The following LMNTD1 variants were observed in gnomAD, a reference collection of about 807,000 sequenced individuals.
LMNTD1 encodes the protein lamin tail domain containing 1.
A neutral mutation model predicts 50.9 loss-of-function variants in LMNTD1; 35 were observed. The observed-to-expected ratio is 0.69, with a 90% CI of 0.53 to 0.91. LMNTD1 has a LOEUF of 0.91. LMNTD1 is among the 40% of genes least tolerant of loss of function. The pLI is 0.00. For missense variants in LMNTD1, 470 were observed against 475.5 expected (o/e 0.99, Z 0.11); for synonymous variants, 153 against 161.9 (o/e 0.94, Z 0.42).
chr12:25,476,646 T>A (rs958951480), intron 9 of LMNTD1, among the ~76,000 whole-genome samples, 186 bp from the exon 10 acceptor site: 15 of 152,300 alleles, frequency 9.8e-5, no homozygotes, highest in Non-Finnish European at 1.9e-4. Context: ...TGACCAAAGG[T>A]TGCATGGATG....
chr12:25,551,304 C>T (rs1447570720), intron 2 of LMNTD1, among the ~76,000 whole-genome samples: 2 of 152,190 alleles, frequency 1.3e-5, no homozygotes, highest in African/African-American at 4.8e-5. Context: ...CCCAAGAAGG[C>T]TTAACAAAAT....
rs945793875 is a variant in LMNTD1, at chr12:25,549,465, C to A, written c.171G>T (p.Leu57Phe). The change falls in exon 3 of 10, where the codon TTG (leucine) becomes TTT (phenylalanine). Residue 57 changes from leucine to phenylalanine, a missense_variant. By Grantham distance (22) the Leu-to-Phe change is conservative. Coordinates refer to ENST00000458174, the MANE Select transcript of LMNTD1 (RefSeq NM_001145728.2). ...MLGSVATTLP[L>F]SSSNSSGMPL... ...GCATTCCACTGGAATTTGAAGATGA[C>A]AATGGCAGTGTTGTGGCAACTGAAC... The A allele has an allele frequency of 6.2e-7, 1 of 1,613,256 alleles. No individual in the cohort carries two copies. Among genetic ancestry groups the A allele is most frequent in the Non-Finnish European group, 8.5e-7 (1 of 1,179,466 alleles).
intron 1 of LMNTD1, among the ~76,000 whole-genome samples, chr12:25,631,014 G>A (rs73300437): frequency 0.12 from 17,799 of 152,134 alleles, 1,599 homozygotes; most frequent in African/African-American, 0.24. Flanking sequence ...AGCTGGGTGA[G>A]GCCTGTGACT....
At chr12:25,559,674 T>G (rs1356745727) in intron 1 of LMNTD1, among the ~76,000 whole-genome samples, 1 of 152,170 alleles carries the variant, frequency 6.6e-6, no homozygotes, top group Non-Finnish European at 1.5e-5. Context: ...AGTGTAAAAG[T>G]GTTCCTATTT....
chr12:25,578,424 T>G (rs1233016682), intron 1 of LMNTD1, among the ~76,000 whole-genome samples: 2 of 152,200 alleles, frequency 1.3e-5, no homozygotes, highest in Non-Finnish European at 2.9e-5. Context: ...TTTTTTTTCC[T>G]GGAGATCCTC....
intron 1 of LMNTD1, among the ~76,000 whole-genome samples, chr12:25,648,213 G>A (rs189395117): frequency 1.7e-4 from 26 of 152,122 alleles, no homozygotes; most frequent in Non-Finnish European, 3.2e-4. Flanking sequence ...CTATACATAC[G>A]TGTTCATTTC....
At chr12:25,529,108 T>A (rs945527578) in intron 4 of LMNTD1, among the ~76,000 whole-genome samples, 1 of 152,152 alleles carries the variant, frequency 6.6e-6, no homozygotes, top group Non-Finnish European at 1.5e-5. Flanking sequence ...ATTGGCCTCT[T>A]TTTGGAAACT....
At chr12:25,543,882 T>C (rs1039148458) in intron 4 of LMNTD1, among the ~76,000 whole-genome samples, 3 of 152,000 alleles carry the variant, frequency 2.0e-5, no homozygotes, top group African/African-American at 7.2e-5. Flanking sequence ...AATTTCCATG[T>C]GTTTGTGTAT....
At chr12:25,640,514 A>AT (rs1316823939) in intron 1 of LMNTD1, among the ~76,000 whole-genome samples, 2 of 152,072 alleles carry the variant, frequency 1.3e-5, no homozygotes, top group Non-Finnish European at 2.9e-5. Flanking sequence ...AAAAAAAAAA[A>AT]AAAATCTAAA....
intron 1 of LMNTD1, among the ~76,000 whole-genome samples, chr12:25,570,292 T>C (rs978681084): frequency 1.3e-5 from 2 of 152,296 alleles, no homozygotes; most frequent in African/African-American, 4.8e-5. Context: ...ACCAAAGGAA[T>C]AGTTTTTTCA....
At chr12:25,489,162 C>T (rs1370378086) in intron 9 of LMNTD1, among the ~76,000 whole-genome samples, 3 of 151,986 alleles carry the variant, frequency 2.0e-5, no homozygotes, top group Non-Finnish European at 4.4e-5. Context: ...CCACCCAGTT[C>T]GAGCTTCCCG....
chr12:25,593,385 A>G (rs976963413), intron 1 of LMNTD1, among the ~76,000 whole-genome samples: 3 of 151,794 alleles, frequency 2.0e-5, no homozygotes, highest in African/African-American at 7.3e-5. Context: ...ACATCACAGG[A>G]CTCTCTGCAG....
chr12:25,563,079 G>A (rs1390136136), intron 1 of LMNTD1, among the ~76,000 whole-genome samples: 1 of 152,122 alleles, frequency 6.6e-6, no homozygotes, highest in Non-Finnish European at 1.5e-5. Flanking sequence ...TGATGGGTTC[G>A]AACATCCTCC....
At chr12:25,624,190 G>GGACGCAA (rs1565525450) in intron 1 of LMNTD1, among the ~76,000 whole-genome samples, 30 of 91,470 alleles carry the variant, frequency 3.3e-4, no homozygotes, top group African/African-American at 1.0e-3. Context: ...CTGTCAATAG[G>GGACGCAA]GATTGTTCTC....
At chr12:25,606,046 C>A (rs1490527877) in intron 1 of LMNTD1, among the ~76,000 whole-genome samples, 2 of 152,194 alleles carry the variant, frequency 1.3e-5, no homozygotes, top group East Asian at 3.8e-4. Context: ...AGAGGTCCTT[C>A]ACATCCCTTG....
intron 9 of LMNTD1, among the ~76,000 whole-genome samples, chr12:25,494,746 T>C (rs974615839): frequency 1.3e-5 from 2 of 152,188 alleles, no homozygotes; most frequent in African/African-American, 4.8e-5. Flanking sequence ...CAACATGGTA[T>C]TTTGAGGTAT....
In LMNTD1 at chr12:25,546,377, G is replaced by C. The variant is rs1943430753; in HGVS notation, c.488C>G (p.Ser163Cys). 6.4e-7 allele frequency: 1 copy of C among 1,572,836 alleles called. No homozygotes were observed. The change falls in exon 4 of 10, where the codon TCC becomes TGC. Residue 163 changes from serine (S) to cysteine (C), a missense_variant. Ser to Cys is a moderately radical substitution (Grantham distance 112). Transcript: ENST00000458174. Reference protein sequence around the residue: ...MILEEVGQFTSSSLGDVEIAE... With the variant: ...MILEEVGQFTCSSLGDVEIAE... ...GTAGTTCAAATAAAATATGTACCTGGAGGTAAATTGGCCAACTTCTTCAAG... is the reference window on the plus strand; with the variant it reads ...GTAGTTCAAATAAAATATGTACCTGCAGGTAAATTGGCCAACTTCTTCAAG...
At chr12:25,581,347 A>T (rs1318127865) in intron 1 of LMNTD1, among the ~76,000 whole-genome samples, 1 of 152,344 alleles carries the variant, frequency 6.6e-6, no homozygotes, top group Non-Finnish European at 1.5e-5. Context: ...TTTGCTGATA[A>T]AATGTGAGGA....
intron 1 of LMNTD1, among the ~76,000 whole-genome samples, chr12:25,574,537 GTTA>G (rs1439427422): frequency 6.6e-6 from 1 of 152,070 alleles, no homozygotes. Flanking sequence ...TATAATTATT[GTTA>G]TTATTAATGT....
Sources: allele counts gnomAD v4.1 joint callset (sites outside exome capture counted in the v4.1 genomes callset), GRCh38; gene constraint gnomAD v4.1.1; transcripts MANE v1.5; gene names NCBI Gene and HGNC (gene_info 2026-07-23, HGNC 2026-07-21).